NDST1: variants seen among roughly 807,000 people sequenced by gnomAD.
NDST1 encodes bifunctional heparan sulfate N-deacetylase/N-sulfotransferase 1.
A neutral mutation model predicts 92.8 loss-of-function variants in NDST1; 35 were observed. The ratio of observed to expected loss-of-function variants is 0.38; its 90% CI spans 0.29 to 0.50. The LOEUF (loss-of-function observed/expected upper bound fraction) is 0.50, where lower values mean the gene tolerates loss of function less well. NDST1 is among the 20% of genes least tolerant of loss of function. The pLI is 0.94. For missense variants in NDST1, 822 were observed against 1,182.7 expected (o/e 0.69, Z 4.47); for synonymous variants, 493 against 500.3 (o/e 0.99, Z 0.19).
chr5:150,501,711 A>G (rs766662944), intron 1 of NDST1, among the ~76,000 whole-genome samples: 34 of 152,360 alleles, frequency 2.2e-4, no homozygotes, highest in African/African-American at 7.7e-4. Context: ...AACAAAACAC[A>G]TGGAGACCCT....
chr5:150,531,767 G>A (rs1247131243), intron 3 of NDST1, among the ~76,000 whole-genome samples: 2 of 152,230 alleles, frequency 1.3e-5, no homozygotes, highest in Non-Finnish European at 2.9e-5. Flanking sequence ...CCAGGGTGCT[G>A]GGATTACAGG....
chr5:150,552,868 C>T (rs190347044), intron 14 of NDST1, among the ~76,000 whole-genome samples: 353 of 151,948 alleles, frequency 2.3e-3, no homozygotes, highest in African/African-American at 8.3e-3. Context: ...TCTTTTGAGA[C>T]GGAGTTTCGC....
chr5:150,520,898 G>A lies in NDST1; in HGVS notation c.-357G>A, dbSNP rs751656586. 5 of 485,184 alleles carry A rather than the reference G, an allele frequency of 1.0e-5. No homozygotes were observed. Among genetic ancestry groups the A allele is most frequent in the South Asian group, 4.8e-5 (1 of 21,036 alleles). 30.1% of individuals were successfully genotyped at this position (485,184 alleles called of 1,614,324 possible). On this transcript the variant is annotated 5_prime_UTR_variant, in exon 2 of 15. Transcript: ENST00000261797. ...GCCCCGTGGGCCCCACGGAGTGAGC[G>A]GCATGCAGCACCCCCGGGCCTGTCC...
chr5:150,510,885 CACAG>C (rs1382663967), intron 1 of NDST1, among the ~76,000 whole-genome samples: 2 of 152,334 alleles, frequency 1.3e-5, no homozygotes, highest in Non-Finnish European at 2.9e-5. Flanking sequence ...TGAAAACAAA[CACAG>C]ACAGAAAACT....
At position 150,542,982 on chromosome 5, in the gene NDST1, C is replaced by T. The variant is rs949083608; in HGVS notation, c.1970+11C>T. On this transcript the variant is annotated intron_variant, in intron 10 of 14. Transcript: ENST00000261797. The stretch of plus-strand genomic sequence containing the variant: ...CAAAGGCATCGACTGGTGAGTTGGC[C>T]TTTCTGTCCACAGCGGGACGGGAAG... 7.4e-6 allele frequency: 12 copies of T among 1,613,852 alleles called. No homozygotes were observed. Among genetic ancestry groups the T allele is most frequent in the Non-Finnish European group, 9.3e-6 (11 of 1,179,766 alleles).
intron 12 of NDST1, 126 bp from the exon 13 acceptor site, chr5:150,549,552 G>A: frequency 1.4e-6 from 1 of 704,578 alleles, no homozygotes; most frequent in Non-Finnish European, 2.6e-6. Context: ...AACAGGGGAG[G>A]AGGAGCCAGT....
upstream of NDST1, among the ~76,000 whole-genome samples, chr5:150,505,943 G>T (rs372106687): frequency 4.6e-5 from 7 of 152,084 alleles, no homozygotes; most frequent in East Asian, 9.7e-4. Context: ...ACCATGCCTG[G>T]CTTCATGATT....
At chr5:150,507,478 G>C (rs1753512188), upstream of NDST1, among the ~76,000 whole-genome samples, 1 of 152,156 alleles carries the variant, frequency 6.6e-6, no homozygotes, top group Non-Finnish European at 1.5e-5. Context: ...TCTGGGTCTC[G>C]TCTTTGTAAG....
intron 1 of NDST1, among the ~76,000 whole-genome samples, chr5:150,512,244 G>C (rs1753758640): frequency 6.6e-6 from 1 of 152,136 alleles, no homozygotes; most frequent in African/African-American, 2.4e-5. Context: ...AATGTGGTGT[G>C]TGTGTTGGGG....
chr5:150,512,867 T>G (rs2151255399), intron 1 of NDST1, among the ~76,000 whole-genome samples: 1 of 152,262 alleles, frequency 6.6e-6, no homozygotes, highest in Middle Eastern at 3.4e-3. Flanking sequence ...AGAGATTTGC[T>G]CAAAGGTCAT....
intron 13 of NDST1, among the ~76,000 whole-genome samples, chr5:150,551,538 C>T (rs1336428016): frequency 2.0e-5 from 3 of 152,152 alleles, no homozygotes; most frequent in Non-Finnish European, 2.9e-5. Flanking sequence ...TCAGAATGTG[C>T]GAGCTGCCCT....
chr5:150,540,581 C>T (rs928985602), intron 8 of NDST1, among the ~76,000 whole-genome samples: 3 of 152,090 alleles, frequency 2.0e-5, no homozygotes, highest in Admixed American at 6.5e-5. Flanking sequence ...TTTAGGAGGC[C>T]AAGGTGGCTG....
chr5:150,518,040 C>T (rs1754062904), intron 1 of NDST1, among the ~76,000 whole-genome samples: 1 of 152,152 alleles, frequency 6.6e-6, no homozygotes, highest in African/African-American at 2.4e-5. Flanking sequence ...ACCAGTCACC[C>T]CAGCCTTCCT....
At chr5:150,536,542 T>A (rs568425439) in intron 6 of NDST1, among the ~76,000 whole-genome samples, 21 of 152,138 alleles carry the variant, frequency 1.4e-4, no homozygotes, top group African/African-American at 4.8e-4. Context: ...CTGGGGCTTC[T>A]ACCATGCATC....
intron 13 of NDST1, chr5:150,550,996 C>T (rs10073229): frequency 0.029 from 4,407 of 153,120 alleles, 208 homozygotes; most frequent in African/African-American, 0.099. Context: ...CCATCATCAT[C>T]GTCATCGTCT....
chr5:150,539,182 T>A, intron 6 of NDST1, 46 bp from the exon 7 acceptor site: 2 of 1,496,854 alleles, frequency 1.3e-6, no homozygotes, highest in Non-Finnish European at 1.9e-6. Context: ...CCCACCACCC[T>A]CATGCCAGAA....
rs756138519 is a variant in NDST1 at position 150,521,472 on chromosome 5, T to C, written c.218T>C (p.Val73Ala). 1 of 1,613,966 alleles carries C rather than the reference T, an allele frequency of 6.2e-7. No individual in the cohort carries two copies. The highest frequency in any genetic ancestry group is 1.7e-5 in the Admixed American group (1 of 60,026). The change falls in exon 2 of 15, where the codon GTG (valine) becomes GCG (alanine). Residue 73 changes from valine to alanine, a missense_variant. Coordinates refer to ENST00000261797, the MANE Select transcript of NDST1 (RefSeq NM_001543.5). This position sits in a 1 kb window ranked among gnomAD's most constrained non-coding sequence, Gnocchi z 5.9. ...AGTCGCCTGCTGCCACTCAAGCCTG[T>C]GCAGGCAGCCACCCCTTCCCGCACA... ...APSRLLPLKPVQAATPSRTDP... is the reference protein window; with the variant it reads ...APSRLLPLKPAQAATPSRTDP...
intron 1 of NDST1, among the ~76,000 whole-genome samples, chr5:150,502,148 G>C (rs747660682): frequency 1.3e-5 from 2 of 152,174 alleles, no homozygotes; most frequent in Non-Finnish European, 2.9e-5. Context: ...TGTGAGGACT[G>C]ACTGGTTTGG....
intron 2 of NDST1, among the ~76,000 whole-genome samples, chr5:150,524,187 G>A (rs1754366676): frequency 6.6e-6 from 1 of 152,198 alleles, no homozygotes; most frequent in South Asian, 2.1e-4. Flanking sequence ...CTGCAAAGTG[G>A]GGCTAATTAC....
Sources: allele counts gnomAD v4.1 joint callset (sites outside exome capture counted in the v4.1 genomes callset), GRCh38; gene constraint gnomAD v4.1.1; non-coding constraint Gnocchi (gnomAD v3.1); transcripts MANE v1.5; gene names NCBI Gene and HGNC (gene_info 2026-07-23, HGNC 2026-07-21).